Variants in SLFN12L observed in about 807,000 individuals in gnomAD.
SLFN12L encodes schlafen family member 12-like.
A neutral mutation model predicts 34.8 loss-of-function variants in SLFN12L; 34 were observed. The observed-to-expected ratio is 0.98, with a 90% CI of 0.74 to 1.30. SLFN12L has a LOEUF of 1.30. SLFN12L is among the 50% of genes most tolerant of loss of function. The pLI is 0.00. For synonymous variants in SLFN12L, 259 were observed against 247.5 expected (o/e 1.05, Z -0.44); for missense variants, 703 against 696.2 (o/e 1.01, Z -0.11).
In SLFN12L at chr17:35,498,285, G is replaced by T. The variant is rs1314510494; in HGVS notation, c.87-18090C>A. 7.5e-6 allele frequency: 6 copies of T among 798,508 alleles called. No individual in the cohort carries two copies. In the African/African-American group the frequency reaches 1.0e-4, roughly 13 times the overall value. The allele number at this position is 798,508 out of a possible 1,614,324, so 49.5% of individuals were successfully genotyped here. A position where few individuals can be genotyped will look rare whatever the true frequency, so the allele number is the denominator to read the frequency against. On this transcript the variant is annotated intron_variant, in intron 2 of 4. Coordinates refer to ENST00000628453, the MANE Select transcript of SLFN12L (RefSeq NM_001363830.2). ...CTACCTCAAACGCTGGCAGTACGTG[G>T]ACTCAGACGGTCCCCTGAAGCAAGG...
At chr17:35,508,695 T>C (rs555015414) in intron 2 of SLFN12L, among the ~76,000 whole-genome samples, 2 of 152,336 alleles carry the variant, frequency 1.3e-5, no homozygotes, top group Admixed American at 1.3e-4. Flanking sequence ...TTATTACATT[T>C]ATATTTGAAT....
Position 35,480,183 on chromosome 17 carries a change from C to G in SLFN12L, c.99G>C (p.Leu33=). The change falls in exon 3 of 5, where the codon CTG becomes CTC. Residue 33 remains leucine, a synonymous_variant. Coordinates refer to ENST00000628453, the MANE Select transcript of SLFN12L (RefSeq NM_001363830.2). ...FLRNFIRKEF[L]RGNGLAAGKM... ...TCCCAGCAGCTAAGCCATTTCCACG[C>G]AGAAATTCTTTTCTGTAAAATAGAG... The G allele has an allele frequency of 6.3e-7, 1 of 1,582,790 alleles. No individual in the cohort carries two copies. Among genetic ancestry groups the G allele is most frequent in the Non-Finnish European group, 8.6e-7 (1 of 1,165,538 alleles).
intron 2 of SLFN12L, among the ~76,000 whole-genome samples, chr17:35,513,969 C>T (rs1231433596): frequency 1.3e-5 from 2 of 152,122 alleles, no homozygotes; most frequent in African/African-American, 4.8e-5. Flanking sequence ...GCCTGGTTGC[C>T]AACATACGTT....
intron 2 of SLFN12L, among the ~76,000 whole-genome samples, chr17:35,506,431 T>G (rs1176729673): frequency 1.3e-5 from 2 of 152,222 alleles, no homozygotes; most frequent in African/African-American, 2.4e-5. Context: ...TGGCCCTTCC[T>G]GTACCAGTGG....
chr17:35,479,619 G>C lies in SLFN12L; in HGVS notation c.663C>G (p.Ala221=), dbSNP rs1290821767. ...VDVQEESNME[A]LAADFFNRTE... is the part of the protein sequence containing the mutation. ...TTCTGTTAAAAAAATCAGCAGCCAA[G>C]GCTTCCATGTTACTTTCTTCTTGTA... Residue 221 remains alanine (A), a synonymous_variant, in exon 3 of 5, where the codon GCC becomes GCG. Transcript: ENST00000628453. 1 of 1,611,626 alleles carries C rather than the reference G, an allele frequency of 6.2e-7. No individual in the cohort carries two copies. Among genetic ancestry groups the C allele is most frequent in the Admixed American group, 1.7e-5 (1 of 59,490 alleles).
chr17:35,477,717 A>G (rs1029681916), intron 4 of SLFN12L, among the ~76,000 whole-genome samples: 3 of 152,110 alleles, frequency 2.0e-5, no homozygotes, highest in Admixed American at 1.3e-4. Flanking sequence ...GAGGAAGAAA[A>G]GAAGTTCAAG....
intron 2 of SLFN12L, among the ~76,000 whole-genome samples, chr17:35,487,062 T>C (rs1444427553): frequency 2.0e-5 from 3 of 152,228 alleles, no homozygotes; most frequent in Admixed American, 2.0e-4. Context: ...AGTTCGTCAG[T>C]GCCTGGTCAC....
At chr17:35,491,311 A>G in intron 2 of SLFN12L, 1 of 564,650 alleles carries the variant, frequency 1.8e-6, no homozygotes, top group South Asian at 3.3e-5. Flanking sequence ...TATGTCATGC[A>G]ATGTTGTCCC....
At chr17:35,535,936 G>T (rs922541466) in intron 1 of SLFN12L, among the ~76,000 whole-genome samples, 1 of 151,492 alleles carries the variant, frequency 6.6e-6, no homozygotes, top group Non-Finnish European at 1.5e-5. Flanking sequence ...GATTACAGGC[G>T]TGAGCCACCA....
intron 2 of SLFN12L, among the ~76,000 whole-genome samples, chr17:35,499,446 T>G (rs1915215143): frequency 6.6e-6 from 1 of 152,230 alleles, no homozygotes; most frequent in Non-Finnish European, 1.5e-5. Flanking sequence ...CTAAGCCTAA[T>G]TAAAGACCTT....
chr17:35,516,708 A>C (rs1915840381), intron 2 of SLFN12L, among the ~76,000 whole-genome samples: 1 of 152,246 alleles, frequency 6.6e-6, no homozygotes, highest in Admixed American at 6.5e-5. Flanking sequence ...GAGCAGATTA[A>C]TTTTAACAAT....
chr17:35,499,248 A>C (rs1484511785), intron 2 of SLFN12L: 41 of 864,672 alleles, frequency 4.7e-5, no homozygotes, highest in Non-Finnish European at 6.4e-5. Flanking sequence ...ACCAAACACG[A>C]CATATCTTAG....
intron 2 of SLFN12L, chr17:35,490,642 G>T (rs920179914): frequency 2.2e-6 from 2 of 904,076 alleles, no homozygotes; most frequent in South Asian, 2.7e-5. Context: ...GAAATTAGAT[G>T]AACTGATCCC....
At chr17:35,507,843 G>A (rs542045649) in intron 2 of SLFN12L, among the ~76,000 whole-genome samples, 1 of 152,318 alleles carries the variant, frequency 6.6e-6, no homozygotes, top group East Asian at 1.9e-4. Context: ...CTTACAAGAA[G>A]ACATGGGTAG....
intron 2 of SLFN12L, among the ~76,000 whole-genome samples, chr17:35,519,847 C>A (rs544201126): frequency 6.6e-6 from 1 of 152,242 alleles, no homozygotes; most frequent in South Asian, 2.1e-4. Context: ...TGAACAGACC[C>A]TCTCTTGGCC....
intron 1 of SLFN12L, among the ~76,000 whole-genome samples, chr17:35,534,036 C>T (rs184611094): frequency 1.2e-4 from 18 of 152,028 alleles, no homozygotes; most frequent in Admixed American, 5.2e-4. Context: ...CATGCCACTG[C>T]ACTCCAGGCT....
At chr17:35,478,947 T>C (rs541725457) in intron 3 of SLFN12L, among the ~76,000 whole-genome samples, 170 bp downstream of exon 3, 1 of 152,368 alleles carries the variant, frequency 6.6e-6, no homozygotes, top group South Asian at 2.1e-4. Flanking sequence ...ATGGAATATC[T>C]ATCTTCTAAG....
intron 2 of SLFN12L, among the ~76,000 whole-genome samples, chr17:35,508,201 A>G (rs758342684): frequency 3.9e-5 from 6 of 152,160 alleles, no homozygotes; most frequent in Non-Finnish European, 8.8e-5. Context: ...CGACCCTTTC[A>G]TGTGGACCCC....
At chr17:35,518,339 G>T (rs1403245498) in intron 2 of SLFN12L, among the ~76,000 whole-genome samples, 1 of 152,102 alleles carries the variant, frequency 6.6e-6, no homozygotes, top group East Asian at 1.9e-4. Flanking sequence ...ATCACTTGAG[G>T]TCAGGAGTTT....
Sources: gnomAD v4.1 joint callset for allele counts (sites outside exome capture counted in the v4.1 genomes callset) on GRCh38, gnomAD v4.1.1 for gene constraint, MANE v1.5 for transcripts, NCBI Gene and HGNC (gene_info 2026-07-23, HGNC 2026-07-21) for gene names.